The following ESRRG variants were observed in gnomAD, a reference collection of about 807,000 sequenced individuals.
ESRRG encodes estrogen-related receptor gamma.
Under a neutral mutation model 44.0 loss-of-function variants are expected in ESRRG, and 13 were observed. The observed-to-expected ratio is 0.30, with a 90% CI of 0.19 to 0.47. ESRRG has a LOEUF of 0.47. Among genes scored for constraint, ESRRG ranks in the 20% least tolerant of loss-of-function variants. The pLI, the probability that ESRRG is intolerant of heterozygous loss-of-function variation, is 1.00. For missense variants in ESRRG, 395 were observed against 580.6 expected (o/e 0.68, Z 3.29); for synonymous variants, 215 against 214.6 (o/e 1.00, Z -0.02).
At chr1:216,941,002 A>C (rs1282164079) in intron 1 of ESRRG, among the ~76,000 whole-genome samples, 1 of 152,204 alleles carries the variant, frequency 6.6e-6, no homozygotes, top group African/African-American at 2.4e-5. Flanking sequence ...TGTAGGCTGG[A>C]ATTTGACAGG....
rs942633119 is a variant in ESRRG, at chr1:216,577,794, G to A, written c.590-9696C>T. 3.0e-4 allele frequency among the ~76,000 whole-genome samples: 45 copies of A among 152,078 alleles called. 1 individual carries two copies. The highest frequency in any genetic ancestry group is 2.9e-3 in the Admixed American group (45 of 15,262). On this transcript the variant is annotated intron_variant, in intron 3 of 6. Transcript: ENST00000408911. Reference sequence around the variant, plus strand: ...GATTTTTTTAAAAAAAAAGGAAATAGATGGCAGAGAAAGGTGCCATATGAG... The same window carrying A: ...GATTTTTTTAAAAAAAAAGGAAATAAATGGCAGAGAAAGGTGCCATATGAG...
intron 2 of ESRRG, among the ~76,000 whole-genome samples, chr1:216,771,980 C>T (rs1372216052): frequency 6.6e-6 from 1 of 151,874 alleles, no homozygotes; most frequent in Admixed American, 6.6e-5. Flanking sequence ...CTTCTCATAG[C>T]CTCTGAGACA....
chr1:216,777,002 T>A (rs983541222), intron 2 of ESRRG, among the ~76,000 whole-genome samples: 15 of 152,202 alleles, frequency 9.9e-5, no homozygotes, highest in Admixed American at 7.9e-4. Context: ...CACCTAGTCT[T>A]CTCTTAACCT....
At chr1:216,814,125 A>G (rs936443876) in intron 2 of ESRRG, among the ~76,000 whole-genome samples, 8 of 151,972 alleles carry the variant, frequency 5.3e-5, no homozygotes, top group Non-Finnish European at 1.0e-4. Flanking sequence ...ATGGGAAAAA[A>G]AAAAATGATG....
intron 1 of ESRRG, among the ~76,000 whole-genome samples, chr1:217,107,933 T>A (rs1558269427): frequency 6.6e-6 from 1 of 152,064 alleles, no homozygotes; most frequent in Non-Finnish European, 1.5e-5. Context: ...AAAATCTTCA[T>A]AAACAGACTA....
At chr1:216,838,903 T>C (rs1175329242) in intron 2 of ESRRG, among the ~76,000 whole-genome samples, 1 of 152,158 alleles carries the variant, frequency 6.6e-6, no homozygotes, top group South Asian at 2.1e-4. Context: ...CTTGCCTCAA[T>C]GTTGATGGCT....
intron 5 of ESRRG, among the ~76,000 whole-genome samples, chr1:216,524,125 T>C (rs893674335): frequency 6.6e-6 from 1 of 151,500 alleles, no homozygotes; most frequent in Non-Finnish European, 1.5e-5. Context: ...TTTGTATTTT[T>C]AAGCCAGATG....
At chr1:216,754,993 A>C (rs1365762647) in intron 2 of ESRRG, among the ~76,000 whole-genome samples, 1 of 152,002 alleles carries the variant, frequency 6.6e-6, no homozygotes, top group African/African-American at 2.4e-5. Flanking sequence ...ATGATGATAG[A>C]CTATGGAAGA....
chr1:216,591,513 G>A (rs1442809137), intron 3 of ESRRG, among the ~76,000 whole-genome samples: 2 of 152,174 alleles, frequency 1.3e-5, no homozygotes, highest in African/African-American at 4.8e-5. Flanking sequence ...GATTGTTGGT[G>A]TTTGAAAACA....
intron 3 of ESRRG, among the ~76,000 whole-genome samples, chr1:216,600,545 G>T (rs72737331): frequency 6.6e-6 from 1 of 151,990 alleles, no homozygotes; most frequent in South Asian, 2.1e-4. Context: ...TTTAAGTTCA[G>T]GGGTACATGT....
chr1:217,025,603 A>G (rs1429919596), intron 1 of ESRRG, among the ~76,000 whole-genome samples: 1 of 152,182 alleles, frequency 6.6e-6, no homozygotes, highest in African/African-American at 2.4e-5. Flanking sequence ...CCCACCTGCC[A>G]AAGCTGTTTG....
chr1:216,846,027 T>C (rs1490082488), intron 2 of ESRRG, among the ~76,000 whole-genome samples: 2 of 152,164 alleles, frequency 1.3e-5, no homozygotes, highest in African/African-American at 4.8e-5. Flanking sequence ...ACCGTATTCA[T>C]TCCTGATCGT....
intron 2 of ESRRG, among the ~76,000 whole-genome samples, chr1:216,784,350 G>A (rs911947794): frequency 4.6e-5 from 7 of 151,856 alleles, no homozygotes; most frequent in Non-Finnish European, 7.4e-5. Context: ...TAAGTTATAC[G>A]CAGAGGCCTT....
At chr1:216,988,700 A>C (rs1248749758) in intron 1 of ESRRG, among the ~76,000 whole-genome samples, 1 of 152,174 alleles carries the variant, frequency 6.6e-6, no homozygotes, top group Non-Finnish European at 1.5e-5. Flanking sequence ...AGATTCTGGT[A>C]CTTGAAGGTA....
chr1:216,997,228 TAA>T (rs1238555107), intron 1 of ESRRG, among the ~76,000 whole-genome samples: 2 of 152,212 alleles, frequency 1.3e-5, no homozygotes, highest in Non-Finnish European at 2.9e-5. Context: ...CCAGTCCCAT[TAA>T]AGTCATTCTA....
chr1:217,061,406 T>C (rs546761454), intron 1 of ESRRG, among the ~76,000 whole-genome samples: 121 of 152,252 alleles, frequency 7.9e-4, no homozygotes, highest in African/African-American at 2.7e-3. Flanking sequence ...GCATGAGTAA[T>C]GCAAACCTCA....
chr1:216,777,101 C>A (rs977494693), intron 2 of ESRRG, among the ~76,000 whole-genome samples: 1 of 152,150 alleles, frequency 6.6e-6, no homozygotes, highest in Non-Finnish European at 1.5e-5. Flanking sequence ...GGGCATAATT[C>A]ACAGATGGGG....
chr1:216,681,728 T>G (rs1176105364), intron 1 of ESRRG, among the ~76,000 whole-genome samples: 1 of 152,000 alleles, frequency 6.6e-6, no homozygotes, highest in African/African-American at 2.4e-5. Flanking sequence ...AGAAGTAATT[T>G]TTGAAAGTTA....
At chr1:216,735,359 C>T (rs1006883117) in intron 2 of ESRRG, among the ~76,000 whole-genome samples, 5 of 143,520 alleles carry the variant, frequency 3.5e-5, no homozygotes, top group Admixed American at 1.4e-4. Context: ...TGCCACCATA[C>T]CCAGCTAATT....
Sources: allele counts gnomAD v4.1 joint callset (sites outside exome capture counted in the v4.1 genomes callset), GRCh38; gene constraint gnomAD v4.1.1; transcripts MANE v1.5; gene names NCBI Gene and HGNC (gene_info 2026-07-23, HGNC 2026-07-21).